Variants in NBAS observed in about 807,000 individuals in gnomAD.
The protein encoded by NBAS is NAG/BC035112 fusion.
Under a neutral mutation model 302.5 loss-of-function variants are expected in NBAS, and 219 were observed. That is an observed-to-expected ratio of 0.72 (90% confidence interval 0.65 to 0.81). The LOEUF (loss-of-function observed/expected upper bound fraction) is 0.81. Among genes scored for constraint, NBAS ranks in the 30% least tolerant of loss-of-function variants. NBAS has a pLI of 0.00. For missense variants in NBAS, 2,932 were observed against 2,841.6 expected, an observed-to-expected ratio of 1.03 and a Z score of -0.72; for synonymous variants, 1,118 against 1,021.6, an observed-to-expected ratio of 1.09 and a Z score of -1.80.
At chr2:15,074,333 G>T in the NBAS span, among the ~76,000 whole-genome samples, 1 of 144,098 alleles carries the variant, frequency 6.9e-6, no homozygotes, top group Non-Finnish European at 1.5e-5. Flanking sequence ...ATGGAAAGAA[G>T]AAGGGAGGGA....
chr2:15,290,802 C>A (rs1339880008), intron 41 of NBAS, among the ~76,000 whole-genome samples: 1 of 152,184 alleles, frequency 6.6e-6, no homozygotes, highest in Non-Finnish European at 1.5e-5. Context: ...TTCCATATTT[C>A]TCTTCTTAAT....
the NBAS span, among the ~76,000 whole-genome samples, chr2:14,965,640 A>AT: frequency 1.3e-5 from 2 of 152,192 alleles, no homozygotes; most frequent in Non-Finnish European, 2.9e-5. Flanking sequence ...ATTCCAGCAA[A>AT]TAGCAGAGGA....
chr2:15,204,753 G>T (rs149527590), intron 48 of NBAS, among the ~76,000 whole-genome samples: 295 of 152,194 alleles, frequency 1.9e-3, no homozygotes, highest in African/African-American at 6.8e-3. Flanking sequence ...GCAAACTATC[G>T]CATGGACAGA....
the NBAS span, among the ~76,000 whole-genome samples, chr2:14,931,193 C>G: frequency 6.6e-6 from 1 of 152,316 alleles, no homozygotes; most frequent in South Asian, 2.1e-4. Context: ...GATACAGAGG[C>G]AGAATCCTGG....
intron 31 of NBAS, among the ~76,000 whole-genome samples, chr2:15,368,191 CTTTTTTTTTTTTT>C (rs1197291033): frequency 2.4e-5 from 2 of 84,890 alleles, no homozygotes; most frequent in Non-Finnish European, 4.5e-5. Flanking sequence ...AATGTTTTGA[CTTTTTTTTTTTTT>C]TTTTTTTTTT....
the NBAS span, among the ~76,000 whole-genome samples, chr2:14,936,355 A>C: frequency 6.6e-6 from 1 of 152,236 alleles, no homozygotes; most frequent in African/African-American, 2.4e-5. Flanking sequence ...ATAAGAATGG[A>C]AAATTAAAGT....
chr2:15,321,789 T>C (rs759212036), intron 38 of NBAS, among the ~76,000 whole-genome samples: 2 of 152,134 alleles, frequency 1.3e-5, no homozygotes, highest in Non-Finnish European at 2.9e-5. Context: ...ACACTGTTGG[T>C]AGGAGTGTAA....
At chr2:15,003,893 G>A in the NBAS span, among the ~76,000 whole-genome samples, 1 of 152,222 alleles carries the variant, frequency 6.6e-6, no homozygotes, top group African/African-American at 2.4e-5. Flanking sequence ...GCTGCTGAAA[G>A]ATAAATGCAG....
the NBAS span, among the ~76,000 whole-genome samples, chr2:15,079,780 C>G: frequency 6.6e-6 from 1 of 152,154 alleles, no homozygotes; most frequent in Non-Finnish European, 1.5e-5. Flanking sequence ...TTGCAACCTT[C>G]TAGCAGGCGG....
the NBAS span, among the ~76,000 whole-genome samples, chr2:15,152,093 G>A: frequency 3.5e-3 from 532 of 152,104 alleles, 5 homozygotes; most frequent in African/African-American, 0.012. Context: ...CAAGTGATCC[G>A]CCTGCCTCGG....
intron 50 of NBAS, chr2:15,179,347 G>A (rs903634561): frequency 1.8e-5 from 10 of 550,102 alleles, no homozygotes; most frequent in Admixed American, 1.5e-4. Context: ...CGACAATATT[G>A]CTTTTTAATG....
chr2:14,861,032 T>C, the NBAS span, among the ~76,000 whole-genome samples: 1 of 152,354 alleles, frequency 6.6e-6, no homozygotes. Context: ...AAAGGCCATA[T>C]GCAAGCTGTT....
intron 38 of NBAS, among the ~76,000 whole-genome samples, chr2:15,321,826 T>C (rs974209938): frequency 2.6e-5 from 4 of 152,152 alleles, no homozygotes; most frequent in Non-Finnish European, 5.9e-5. Flanking sequence ...TGGAAGACAG[T>C]GTGGCGGATT....
intron 24 of NBAS, among the ~76,000 whole-genome samples, chr2:15,417,042 C>A (rs1180274811): frequency 6.6e-6 from 1 of 152,094 alleles, no homozygotes; most frequent in Admixed American, 6.6e-5. Context: ...GGCCGGAGTA[C>A]AAATAAGGTT....
At chr2:15,165,136 G>A (rs1013872774), downstream of NBAS, among the ~76,000 whole-genome samples, 1 of 152,254 alleles carries the variant, frequency 6.6e-6, no homozygotes, top group African/African-American at 2.4e-5. Context: ...AACAGACTGT[G>A]TTTCTCAGAA....
chr2:14,907,051 A>T, the NBAS span, among the ~76,000 whole-genome samples: 2 of 152,294 alleles, frequency 1.3e-5, no homozygotes, highest in South Asian at 4.1e-4. Flanking sequence ...AATGAAATTA[A>T]AATGTCAGCC....
chr2:14,824,577 T>C, the NBAS span, among the ~76,000 whole-genome samples: 1 of 152,160 alleles, frequency 6.6e-6, no homozygotes, highest in Admixed American at 6.5e-5. Flanking sequence ...CAGCAGCTTA[T>C]TAAAAATGCA....
the NBAS span, among the ~76,000 whole-genome samples, chr2:14,927,124 C>A: frequency 6.6e-6 from 1 of 152,246 alleles, no homozygotes; most frequent in Non-Finnish European, 1.5e-5. Context: ...ACTACCTCTA[C>A]CTGGTTTCCC....
At chr2:14,922,709 AG>A in the NBAS span, among the ~76,000 whole-genome samples, 2 of 152,194 alleles carry the variant, frequency 1.3e-5, no homozygotes, top group Non-Finnish European at 2.9e-5. Flanking sequence ...TGTGAATTTT[AG>A]GGGGATACAA....
Sources: gnomAD v4.1 joint callset for allele counts (sites outside exome capture counted in the v4.1 genomes callset) on GRCh38, gnomAD v4.1.1 for gene constraint, MANE v1.5 for transcripts, NCBI Gene and HGNC (gene_info 2026-07-23, HGNC 2026-07-21) for gene names.